Variants in SLC44A5 observed in about 807,000 individuals in gnomAD.
SLC44A5 encodes solute carrier family 44 member 5.
In SLC44A5, 57 loss-of-function variants were observed where a neutral mutation model predicts 101.8. That is an observed-to-expected ratio of 0.56 (90% CI 0.45 to 0.70). SLC44A5 has a LOEUF of 0.70. Ranked by LOEUF, SLC44A5 falls within the 30% of genes least tolerant of loss-of-function variation. The pLI, the probability that SLC44A5 is intolerant of heterozygous loss-of-function variation, is 0.00. For synonymous variants in SLC44A5, 281 were observed against 290.9 expected (o/e 0.97, Z 0.35); for missense variants, 737 against 853.1 (o/e 0.86, Z 1.70).
intron 2 of SLC44A5, among the ~76,000 whole-genome samples, chr1:75,478,317 A>G (rs995775496): frequency 5.3e-5 from 8 of 152,232 alleles, no homozygotes; most frequent in South Asian, 2.1e-4. Flanking sequence ...TGTAAAGACC[A>G]TCGAGGCTAG....
intron 4 of SLC44A5, among the ~76,000 whole-genome samples, chr1:75,318,638 A>T (rs1008025958): frequency 6.6e-6 from 1 of 152,154 alleles, no homozygotes; most frequent in African/African-American, 2.4e-5. Flanking sequence ...AAAATCTCAG[A>T]AGAGGCAAAA....
chr1:75,547,645 T>C (rs746315515), intron 1 of SLC44A5, among the ~76,000 whole-genome samples: 3 of 152,176 alleles, frequency 2.0e-5, no homozygotes, highest in Non-Finnish European at 4.4e-5. Flanking sequence ...CTACTTATCA[T>C]GAGAATGTTT....
At position 75,512,689 on chromosome 1, in the gene SLC44A5, T is replaced by G. The variant is rs573593985; in HGVS notation, c.13+28746A>C. 3.3e-3 allele frequency among the ~76,000 whole-genome samples: 504 copies of G among 152,272 alleles called. 6 individuals carry two copies. The highest frequency in any genetic ancestry group is 5.4e-3 in the Non-Finnish European group (366 of 68,014). The stretch of plus-strand genomic sequence containing the variant: ...GAAGCGTAGTGATCATAAGAGTATA[T>G]TGGAGGTAATACACGTAGTACCCAT... On this transcript the variant is annotated intron_variant, in intron 2 of 23. Coordinates refer to ENST00000370859, the MANE Select transcript of SLC44A5 (RefSeq NM_001130058.2).
intron 1 of SLC44A5, among the ~76,000 whole-genome samples, chr1:75,544,227 C>T (rs1270288125): frequency 6.6e-6 from 1 of 152,146 alleles, no homozygotes; most frequent in East Asian, 1.9e-4. Flanking sequence ...CTCCCCCTCT[C>T]TTTGCCCTTC....
chr1:75,255,450 A>AC lies in SLC44A5; in HGVS notation c.261-4157_261-4156insG, dbSNP rs1360464725. 5.3e-5 allele frequency among the ~76,000 whole-genome samples: 8 copies of AC among 151,732 alleles called. No individual in the cohort carries two copies. In the East Asian group the frequency reaches 7.7e-4, roughly 15 times the overall value. On this transcript the variant is annotated intron_variant, in intron 6 of 23. Transcript: ENST00000370859. ...TTAAAATATAATTGCCAAAACAAAA[A>AC]AAAATCAAAAGAAGAGATGGAAAAA... is the stretch of plus-strand genomic sequence containing the variant.
chr1:75,339,418 T>G (rs1313230902), intron 4 of SLC44A5, among the ~76,000 whole-genome samples, 164 bp downstream of exon 4: 1 of 152,208 alleles, frequency 6.6e-6, no homozygotes, highest in Non-Finnish European at 1.5e-5. Flanking sequence ...ATTTATTCTC[T>G]GTACTTTCCC....
At chr1:75,204,721 C>T (rs1365915415) in intron 23 of SLC44A5, 1 of 152,118 alleles carries the variant, frequency 6.6e-6, no homozygotes, top group African/African-American at 2.4e-5. Context: ...CTCCTAGGCT[C>T]CAGTGATCTG....
the SLC44A5 span, among the ~76,000 whole-genome samples, chr1:75,635,686 T>C: frequency 6.7e-6 from 1 of 149,254 alleles, no homozygotes; most frequent in South Asian, 2.2e-4. Context: ...AGGAATAGCA[T>C]TAGGAGATAC....
At chr1:75,630,349 T>A in the SLC44A5 span, among the ~76,000 whole-genome samples, 1 of 152,128 alleles carries the variant, frequency 6.6e-6, no homozygotes, top group African/African-American at 2.4e-5. Context: ...CCTTATCAAG[T>A]CTCAGAAACA....
chr1:75,411,112 T>G (rs532776915), intron 2 of SLC44A5, among the ~76,000 whole-genome samples: 1 of 152,126 alleles, frequency 6.6e-6, no homozygotes, highest in African/African-American at 2.4e-5. Context: ...TTTTCAATGC[T>G]AGAAACATAG....
At chr1:75,418,547 A>G (rs1778459) in intron 2 of SLC44A5, among the ~76,000 whole-genome samples, 52,746 of 151,916 alleles carry the variant, frequency 0.35, 9,333 homozygotes, top group Middle Eastern at 0.41. Context: ...GAAAATGGGG[A>G]AAGCATTCCA....
chr1:75,453,559 G>A (rs1666019670), intron 2 of SLC44A5, among the ~76,000 whole-genome samples: 1 of 151,974 alleles, frequency 6.6e-6, no homozygotes. Context: ...TTGAAATTGA[G>A]ACCCAATTGA....
chr1:75,239,280 A>G (rs1210678976), intron 9 of SLC44A5, among the ~76,000 whole-genome samples: 1 of 152,078 alleles, frequency 6.6e-6, no homozygotes, highest in African/African-American at 2.4e-5. Context: ...TCACTGTTCA[A>G]TCTTCTATGT....
chr1:75,232,890 T>G (rs1227163867), intron 12 of SLC44A5, among the ~76,000 whole-genome samples: 13 of 152,214 alleles, frequency 8.5e-5, no homozygotes. Flanking sequence ...CAGATTCAAC[T>G]GCATTCTTAT....
intron 6 of SLC44A5, among the ~76,000 whole-genome samples, chr1:75,269,752 A>G (rs1651307630): frequency 6.6e-6 from 1 of 152,114 alleles, no homozygotes; most frequent in South Asian, 2.1e-4. Flanking sequence ...TGATAGTTTC[A>G]CATTGTTATA....
chr1:75,206,984 T>C (rs181155525), intron 23 of SLC44A5, among the ~76,000 whole-genome samples: 3 of 152,306 alleles, frequency 2.0e-5, no homozygotes, highest in African/African-American at 7.2e-5. Flanking sequence ...AGATATTCTA[T>C]GTCCCTTCAA....
At chr1:75,691,070 C>G in the SLC44A5 span, among the ~76,000 whole-genome samples, 3 of 152,212 alleles carry the variant, frequency 2.0e-5, no homozygotes, top group East Asian at 5.8e-4. Flanking sequence ...ATGCACCCCC[C>G]CCTTTCTTGA....
intron 4 of SLC44A5, among the ~76,000 whole-genome samples, chr1:75,304,731 A>G (rs1557643432): frequency 6.6e-6 from 1 of 152,194 alleles, no homozygotes; most frequent in Non-Finnish European, 1.5e-5. Flanking sequence ...TATTCTAGCT[A>G]CAGGCTTGTC....
rs998246370 is a variant in SLC44A5, at chr1:75,554,836, C to T, written c.-69-13320G>A. Among the ~76,000 whole-genome samples, 20 of 151,894 alleles carry T rather than the reference C, an allele frequency of 1.3e-4. No homozygotes were observed. In the East Asian group the frequency reaches 2.3e-3, roughly 18 times the overall value. On this transcript the variant is annotated intron_variant, in intron 1 of 23. Coordinates refer to ENST00000370859, the MANE Select transcript of SLC44A5 (RefSeq NM_001130058.2). The stretch of plus-strand genomic sequence containing the variant: ...GGAAATACAAAAAAATAAGATACTG[C>T]CTTTAAATAGATTCAGTTATGTTAA...
Sources: allele counts gnomAD v4.1 joint callset (sites outside exome capture counted in the v4.1 genomes callset), GRCh38; gene constraint gnomAD v4.1.1; transcripts MANE v1.5; gene names NCBI Gene and HGNC (gene_info 2026-07-23, HGNC 2026-07-21).